PPP1R12B: variants seen among roughly 807,000 people sequenced by gnomAD.
The protein encoded by PPP1R12B is myosin phosphatase target subunit 2.
A neutral mutation model predicts 126.1 loss-of-function variants in PPP1R12B; 76 were observed. The observed-to-expected ratio is 0.60, with a 90% CI of 0.50 to 0.73. The LOEUF (loss-of-function observed/expected upper bound fraction) is 0.73, where lower values mean the gene tolerates loss of function less well. PPP1R12B is among the 30% of genes least tolerant of loss of function. The probability of loss-of-function intolerance (pLI) is 0.00; values close to 1 mark genes in which losing one functional copy is unlikely to be tolerated. For synonymous variants in PPP1R12B, 356 were observed against 434.7 expected (o/e 0.82, Z 2.25); for missense variants, 1,052 against 1,205.1 (o/e 0.87, Z 1.88).
chr1:202,407,697 T>C (rs1666814502), intron 1 of PPP1R12B, among the ~76,000 whole-genome samples: 1 of 152,178 alleles, frequency 6.6e-6, no homozygotes, highest in African/African-American at 2.4e-5. Context: ...CTTGGAAGGA[T>C]TGACTCAAGC....
At position 202,567,743 on chromosome 1, in the gene PPP1R12B, T is replaced by C. The variant is rs559995367; in HGVS notation, c.2758-35T>C. On this transcript the variant is annotated intron_variant, in intron 21 of 23. Coordinates refer to ENST00000608999, the MANE Select transcript of PPP1R12B (RefSeq NM_002481.4). ...GGCGTTCTACTGGCCCTTAGACAACTTAAATAACAACTGTTTTCCTTCCAT... is the reference window on the plus strand; with the variant it reads ...GGCGTTCTACTGGCCCTTAGACAACCTAAATAACAACTGTTTTCCTTCCAT... 154 of 1,610,634 alleles carry C rather than the reference T, an allele frequency of 9.6e-5. 1 individual carries two copies. In the South Asian group the frequency reaches 1.5e-3, roughly 16 times the overall value.
chr1:202,552,451 A>C (rs1033338716), intron 18 of PPP1R12B, among the ~76,000 whole-genome samples: 1 of 152,238 alleles, frequency 6.6e-6, no homozygotes, highest in African/African-American at 2.4e-5. Context: ...TTAAACTCAA[A>C]AGTTACAAAA....
chr1:202,419,448 C>T lies in PPP1R12B; in HGVS notation c.422+2531C>T, dbSNP rs1239002519. Reference sequence around the variant, plus strand: ...ATTCTCAGAGATAAAGTAGAAATTACTTCATAGGTTGATATTTATTCTTGT... The same window carrying T: ...ATTCTCAGAGATAAAGTAGAAATTATTTCATAGGTTGATATTTATTCTTGT... On this transcript the variant is annotated intron_variant, in intron 2 of 23. Coordinates refer to ENST00000608999, the MANE Select transcript of PPP1R12B (RefSeq NM_002481.4). This position sits in a 1 kb window ranked among gnomAD's most constrained non-coding sequence, Gnocchi z 4.6. Among the ~76,000 whole-genome samples the T allele has an allele frequency of 6.6e-6, 1 of 152,076 alleles. No homozygotes were observed. Among genetic ancestry groups the T allele is most frequent in the Non-Finnish European group, 1.5e-5 (1 of 68,012 alleles).
intron 8 of PPP1R12B, among the ~76,000 whole-genome samples, chr1:202,432,342 T>G (rs1393836508): frequency 6.6e-6 from 1 of 151,930 alleles, no homozygotes; most frequent in Non-Finnish European, 1.5e-5. Context: ...GATCTCAGCT[T>G]ACTGCAACCT....
chr1:202,446,771 G>A (rs1672349945), intron 12 of PPP1R12B, among the ~76,000 whole-genome samples: 1 of 151,672 alleles, frequency 6.6e-6, no homozygotes, highest in East Asian at 1.9e-4. Flanking sequence ...CTTAAATAAG[G>A]TAAAGGTTTT....
chr1:202,531,287 T>C (rs1683920137), intron 18 of PPP1R12B, among the ~76,000 whole-genome samples: 1 of 152,242 alleles, frequency 6.6e-6, no homozygotes, highest in Admixed American at 6.5e-5. Context: ...AACTTGGCTG[T>C]GTGCTGTTGA....
rs1669472101 is a variant in PPP1R12B at position 202,426,156 on chromosome 1, T to C, written c.701+431T>C. Reference sequence around the variant, plus strand: ...AGCTGGCACAGGATAGCCAAACTTATATGAGGGATTTGGACTCTACTACTC... The same window carrying C: ...AGCTGGCACAGGATAGCCAAACTTACATGAGGGATTTGGACTCTACTACTC... On this transcript the variant is annotated intron_variant, in intron 4 of 23. Transcript: ENST00000608999. 3.3e-5 allele frequency among the ~76,000 whole-genome samples: 5 copies of C among 152,218 alleles called. No individual in the cohort carries two copies. The South Asian group carries it at 6.2e-4, about 19-fold the overall frequency.
chr1:202,435,516 G>C (rs1670692103), intron 9 of PPP1R12B, among the ~76,000 whole-genome samples: 1 of 152,166 alleles, frequency 6.6e-6, no homozygotes, highest in South Asian at 2.1e-4. Context: ...CTTATGATGA[G>C]TAAAGGGCAG....
chr1:202,537,035 A>G (rs1281698499), intron 18 of PPP1R12B, among the ~76,000 whole-genome samples: 1 of 152,212 alleles, frequency 6.6e-6, no homozygotes, highest in Non-Finnish European at 1.5e-5. Context: ...TAAAATAATG[A>G]TTTAAAATAT....
chr1:202,469,387 A>C (rs188314322), intron 13 of PPP1R12B, among the ~76,000 whole-genome samples: 1 of 152,198 alleles, frequency 6.6e-6, no homozygotes, highest in African/African-American at 2.4e-5. Flanking sequence ...AAAAATAACT[A>C]TTGGGTACTA....
intron 9 of PPP1R12B, among the ~76,000 whole-genome samples, chr1:202,435,960 T>C (rs546314158): frequency 6.6e-6 from 1 of 152,278 alleles, no homozygotes; most frequent in South Asian, 2.1e-4. Context: ...CTTTTTTCAA[T>C]AGAAAAATAC....
chr1:202,478,552 A>C (rs969453202), intron 13 of PPP1R12B, among the ~76,000 whole-genome samples: 1 of 152,168 alleles, frequency 6.6e-6, no homozygotes, highest in Non-Finnish European at 1.5e-5. Flanking sequence ...TCATATATTG[A>C]CACAGGTTAC....
chr1:202,567,953 C>A, intron 22 of PPP1R12B, 122 bp downstream of exon 22: 1 of 1,144,804 alleles, frequency 8.7e-7, no homozygotes, highest in Non-Finnish European at 1.3e-6. Context: ...CTGCCACATT[C>A]CATTCCCAGC....
chr1:202,493,138 G>A lies in PPP1R12B; in HGVS notation c.1966G>A (p.Glu656Lys), dbSNP rs142843947. 3.9e-4 allele frequency: 625 copies of A among 1,612,000 alleles called. 2 individuals are homozygous for A. The African/African-American group carries it at 6.9e-3, about 18-fold the overall frequency. Residue 656 changes from glutamate (E) to lysine (K), a missense_variant, in exon 15 of 24, where the codon GAA becomes AAA. Coordinates refer to ENST00000608999, the MANE Select transcript of PPP1R12B (RefSeq NM_002481.4). ...TQGVTLTDLQ[E>K]AERTFSRSRA... is the part of the protein sequence containing the mutation. ...GGGTGTCACCCTAACAGACCTTCAA[G>A]AAGCAGAAAGGACATTCAGCCGGTC...
chr1:202,392,432 G>T (rs547636315), intron 1 of PPP1R12B, among the ~76,000 whole-genome samples: 153 of 152,270 alleles, frequency 1.0e-3, no homozygotes, highest in African/African-American at 3.4e-3. Context: ...AATCTCTGGA[G>T]TGGGAAAGTA....
chr1:202,578,042 C>T (rs1689248032), intron 23 of PPP1R12B, among the ~76,000 whole-genome samples: 1 of 152,214 alleles, frequency 6.6e-6, no homozygotes, highest in South Asian at 2.1e-4. Flanking sequence ...CCTCTCTCTG[C>T]TGAGATTGAA....
chr1:202,464,458 T>C (rs1674720304), intron 13 of PPP1R12B, among the ~76,000 whole-genome samples: 1 of 152,214 alleles, frequency 6.6e-6, no homozygotes, highest in South Asian at 2.1e-4. Flanking sequence ...TGAGCCTTTC[T>C]ATCCCATTCC....
intron 13 of PPP1R12B, among the ~76,000 whole-genome samples, chr1:202,485,655 T>G (rs1212003746): frequency 6.6e-6 from 1 of 152,196 alleles, no homozygotes; most frequent in African/African-American, 2.4e-5. Flanking sequence ...AGAAGCAGAA[T>G]ACCTTGCTCC....
chr1:202,523,696 G>T (rs2203203), intron 18 of PPP1R12B, among the ~76,000 whole-genome samples: 1 of 151,948 alleles, frequency 6.6e-6, no homozygotes. Flanking sequence ...GACTTAAGTT[G>T]TTTTTTTGTT....
Sources: allele counts gnomAD v4.1 joint callset (sites outside exome capture counted in the v4.1 genomes callset), GRCh38; gene constraint gnomAD v4.1.1; non-coding constraint Gnocchi (gnomAD v3.1); transcripts MANE v1.5; gene names NCBI Gene and HGNC (gene_info 2026-07-23, HGNC 2026-07-21).